The following STXBP5L variants were observed in gnomAD, a reference collection of about 807,000 sequenced individuals.
STXBP5L encodes syntaxin-binding protein 5-like.
In STXBP5L, 65 loss-of-function variants were observed where a neutral mutation model predicts 144.5. The observed-to-expected ratio is 0.45, with a 90% confidence interval of 0.37 to 0.55. The LOEUF is 0.55. Among genes scored for constraint, STXBP5L ranks in the 20% least tolerant of loss-of-function variants. The pLI, the probability that STXBP5L is intolerant of heterozygous loss-of-function variation, is 0.00. For synonymous variants in STXBP5L, 505 were observed against 469.6 expected (o/e 1.08, Z -0.97); for missense variants, 1,298 against 1,405.5 (o/e 0.92, Z 1.22).
chr3:121,325,609 A>G (rs2044118597), intron 20 of STXBP5L, among the ~76,000 whole-genome samples: 1 of 152,046 alleles, frequency 6.6e-6, no homozygotes, highest in African/African-American at 2.4e-5. Context: ...TCCATGAAAC[A>G]TCAGAAAAAA....
intron 23 of STXBP5L, 174 bp downstream of exon 23, chr3:121,407,777 T>C (rs1576368503): frequency 3.2e-6 from 3 of 951,642 alleles, no homozygotes; most frequent in East Asian, 5.5e-5. Context: ...GGGGGTTTTG[T>C]GTTTTGTTTT....
At chr3:121,327,352 T>G (rs1243315558) in intron 20 of STXBP5L, among the ~76,000 whole-genome samples, 4 of 152,218 alleles carry the variant, frequency 2.6e-5, no homozygotes, top group Non-Finnish European at 5.9e-5. Context: ...AATGCTATAA[T>G]TGAACATAAA....
chr3:121,027,505 T>A (rs1002875235), intron 3 of STXBP5L, among the ~76,000 whole-genome samples: 1 of 151,908 alleles, frequency 6.6e-6, no homozygotes, highest in Admixed American at 6.6e-5. Flanking sequence ...GAAGAATTTG[T>A]TTTCCTTCCT....
chr3:121,273,203 GTGA>G (rs914919013), intron 18 of STXBP5L, among the ~76,000 whole-genome samples: 1 of 151,694 alleles, frequency 6.6e-6, no homozygotes, highest in African/African-American at 2.4e-5. Context: ...AGGTCTAGTG[GTGA>G]TGAACTTCAT....
Position 121,318,418 on chromosome 3 carries a change from G to T in STXBP5L, c.2111-57G>T. 6 of 1,370,552 alleles carry T rather than the reference G, an allele frequency of 4.4e-6. No individual in the cohort carries two copies. In the South Asian group the frequency reaches 4.5e-5, roughly 10 times the overall value. 84.9% of individuals were successfully genotyped at this position (1,370,552 alleles called of 1,614,324 possible). A position where few individuals can be genotyped will look rare whatever the true frequency, so the allele number is the denominator to read the frequency against. ...TAAACTTGTAGGAATTAAGAAATAA[G>T]AATAACCTACAAAATGCTAGCAAAA... On this transcript the variant is annotated intron_variant, in intron 19 of 26. Transcript: ENST00000471454.
rs754913694 is a variant in STXBP5L, at chr3:121,045,424, T to G, written c.370-11T>G. 3 of 1,593,320 alleles carry G rather than the reference T, an allele frequency of 1.9e-6. No homozygotes were observed. In the East Asian group the frequency reaches 6.7e-5, roughly 36 times the overall value. On this transcript the variant is annotated splice_polypyrimidine_tract_variant and intron_variant, in intron 4 of 26. Transcript: ENST00000471454. ...AAATCACACACTTACTTTATCTTCTTTTTGTTCTAGGGTGCCTTGGTCAGT... is the reference window on the plus strand; with the variant it reads ...AAATCACACACTTACTTTATCTTCTGTTTGTTCTAGGGTGCCTTGGTCAGT...
intron 7 of STXBP5L, among the ~76,000 whole-genome samples, chr3:121,126,165 T>C (rs2044694038): frequency 6.6e-6 from 1 of 152,154 alleles, no homozygotes; most frequent in Admixed American, 6.6e-5. Flanking sequence ...AAGATAACAG[T>C]TACTACAATT....
At chr3:121,400,964 C>G (rs2046858305) in intron 22 of STXBP5L, among the ~76,000 whole-genome samples, 1 of 151,580 alleles carries the variant, frequency 6.6e-6, no homozygotes, top group Admixed American at 6.6e-5. Flanking sequence ...AGAGATAGAC[C>G]ACAGAAGAAA....
intron 22 of STXBP5L, among the ~76,000 whole-genome samples, chr3:121,399,607 TA>T (rs2108728592): frequency 6.6e-6 from 1 of 152,324 alleles, no homozygotes; most frequent in African/African-American, 2.4e-5. Flanking sequence ...TGGGCTGAAT[TA>T]AAGGAATAAG....
At chr3:121,188,755 A>G (rs1260067101) in intron 9 of STXBP5L, among the ~76,000 whole-genome samples, 3 of 152,244 alleles carry the variant, frequency 2.0e-5, no homozygotes, top group Non-Finnish European at 4.4e-5. Context: ...GCAAAATTCA[A>G]CAACCCTTCA....
intron 22 of STXBP5L, among the ~76,000 whole-genome samples, chr3:121,387,340 T>C (rs1470495605): frequency 6.6e-6 from 1 of 152,212 alleles, no homozygotes. Context: ...AAAAATTTTC[T>C]CCCATTCTGT....
chr3:121,226,670 A>G (rs866655975), intron 11 of STXBP5L, among the ~76,000 whole-genome samples: 15 of 152,208 alleles, frequency 9.9e-5, no homozygotes, highest in Admixed American at 9.8e-4. Flanking sequence ...AGAGGATCTT[A>G]GGAGAATTCA....
chr3:120,928,315 T>C (rs1709745144), intron 2 of STXBP5L, among the ~76,000 whole-genome samples: 1 of 152,060 alleles, frequency 6.6e-6, no homozygotes, highest in African/African-American at 2.4e-5. Context: ...CAGGCTGGAG[T>C]GCAGTGGCGA....
intron 22 of STXBP5L, among the ~76,000 whole-genome samples, chr3:121,390,143 G>A (rs1248922721): frequency 6.6e-6 from 1 of 152,066 alleles, no homozygotes; most frequent in Non-Finnish European, 1.5e-5. Flanking sequence ...TTATGTAATG[G>A]CCTTCTTTGT....
In STXBP5L at chr3:121,214,341, A is replaced by C. The variant is rs201274734; in HGVS notation, c.956+8340A>C. On this transcript the variant is annotated intron_variant, in intron 10 of 26. Coordinates refer to ENST00000471454, the MANE Select transcript of STXBP5L (RefSeq NM_001308330.2). ...ATCTTTCTTGCTTTCTCCTGTGGGC[A>C]TTTAGTGCTATAAATTTCTCTCTAA... Among the ~76,000 whole-genome samples the C allele has an allele frequency of 1.4e-4, 22 of 152,278 alleles. No homozygotes were observed. In the East Asian group the frequency reaches 4.2e-3, roughly 29 times the overall value.
chr3:120,955,692 GTAA>G (rs1277693977), intron 3 of STXBP5L, among the ~76,000 whole-genome samples: 1 of 151,942 alleles, frequency 6.6e-6, no homozygotes, highest in Non-Finnish European at 1.5e-5. Flanking sequence ...AAACTATAGT[GTAA>G]TATCACAACC....
intron 20 of STXBP5L, among the ~76,000 whole-genome samples, chr3:121,325,771 A>G (rs1336795466): frequency 6.6e-6 from 1 of 151,994 alleles, no homozygotes; most frequent in Non-Finnish European, 1.5e-5. Flanking sequence ...ACTTTAAAGC[A>G]AACAAGGTAT....
chr3:120,999,313 A>G (rs1943590482), intron 3 of STXBP5L, among the ~76,000 whole-genome samples: 1 of 152,186 alleles, frequency 6.6e-6, no homozygotes, highest in Non-Finnish European at 1.5e-5. Flanking sequence ...TTGGCCTTCC[A>G]AAGTGCTGAG....
intron 14 of STXBP5L, among the ~76,000 whole-genome samples, chr3:121,248,358 C>G (rs1424141861): frequency 6.6e-6 from 1 of 152,170 alleles, no homozygotes; most frequent in African/African-American, 2.4e-5. Context: ...GCCACCGTGC[C>G]TGGCCATGTT....
Sources: allele counts gnomAD v4.1 joint callset (sites outside exome capture counted in the v4.1 genomes callset), GRCh38; gene constraint gnomAD v4.1.1; transcripts MANE v1.5; gene names NCBI Gene and HGNC (gene_info 2026-07-23, HGNC 2026-07-21).